Variants in ATP10B observed in about 807,000 individuals in gnomAD.
ATP10B encodes the protein phospholipid-transporting ATPase VB.
ATP10B carries 122 observed loss-of-function variants against 141.2 expected under a neutral mutation model. The observed-to-expected ratio is 0.86, with a 90% CI of 0.75 to 1.00. ATP10B has a LOEUF of 1.00. Ranked by LOEUF, ATP10B falls within the 50% of genes least tolerant of loss-of-function variation. The pLI is 0.00. For synonymous variants in ATP10B, 685 were observed against 692.0 expected (o/e 0.99, Z 0.16); for missense variants, 1,876 against 1,825.3 (o/e 1.03, Z -0.51).
intron 2 of ATP10B, among the ~76,000 whole-genome samples, chr5:160,728,944 C>T (rs1766546688): frequency 6.6e-6 from 1 of 152,122 alleles, no homozygotes; most frequent in Admixed American, 6.5e-5. Context: ...CAAGCAAGGC[C>T]TGGGAATGGT....
In ATP10B at chr5:160,606,996, G is replaced by A. The variant is rs752814719; in HGVS notation, c.2929C>T (p.Arg977Cys). The change falls in exon 19 of 26, where the codon CGC becomes TGC. Residue 977 changes from arginine (R) to cysteine (C), a missense_variant. Transcript: ENST00000327245. ...ATGGATGGTGTCTTGGAAGGTAAGC[G>A]GAATCCAAAGAGCTTGCGGTCTGGC... ...QKPDRKLFGFRLPSKTPSITS... is the reference protein window; with the variant it reads ...QKPDRKLFGFCLPSKTPSITS... 1.2e-5 allele frequency: 20 copies of A among 1,613,994 alleles called. No individual in the cohort carries two copies. The highest frequency in any genetic ancestry group is 3.3e-5 in the Admixed American group (2 of 59,974).
At chr5:160,581,478 C>A (rs1755549163) in intron 24 of ATP10B, among the ~76,000 whole-genome samples, 1 of 152,154 alleles carries the variant, frequency 6.6e-6, no homozygotes, top group South Asian at 2.1e-4. Flanking sequence ...TTTCTTAATG[C>A]CGAGTTCTAA....
chr5:160,900,760 A>G, the ATP10B span, among the ~76,000 whole-genome samples: 1 of 151,702 alleles, frequency 6.6e-6, no homozygotes, highest in Non-Finnish European at 1.5e-5. Context: ...ACCAAAATAT[A>G]TCTGCATTAT....
At chr5:160,818,069 C>T in intron 1 of ATP10B, among the ~76,000 whole-genome samples, 1 of 152,124 alleles carries the variant, frequency 6.6e-6, no homozygotes, top group African/African-American at 2.4e-5. Context: ...TAGGCAATAC[C>T]ATTCAGGACA....
chr5:160,826,619 C>G (rs1774621271), intron 1 of ATP10B, among the ~76,000 whole-genome samples: 1 of 152,024 alleles, frequency 6.6e-6, no homozygotes, highest in Non-Finnish European at 1.5e-5. Context: ...TGACTGCCTG[C>G]AGGGTAGGGC....
the ATP10B span, among the ~76,000 whole-genome samples, chr5:160,909,739 C>T: frequency 2.0e-5 from 3 of 152,076 alleles, no homozygotes; most frequent in Admixed American, 6.5e-5. Flanking sequence ...AGCTAAGTGA[C>T]GATAACGTAT....
At chr5:160,674,585 A>C (rs1762912624) in intron 6 of ATP10B, among the ~76,000 whole-genome samples, 1 of 152,156 alleles carries the variant, frequency 6.6e-6, no homozygotes, top group African/African-American at 2.4e-5. Context: ...CTTCCTTAGG[A>C]TCGCATGCAG....
intron 1 of ATP10B, among the ~76,000 whole-genome samples, chr5:160,796,995 A>G (rs766432743): frequency 2.0e-5 from 3 of 152,316 alleles, no homozygotes; most frequent in Non-Finnish European, 2.9e-5. Context: ...AATCTAGAGA[A>G]AACTTCCACA....
At chr5:160,568,317 A>C (rs7737928) in intron 25 of ATP10B, among the ~76,000 whole-genome samples, 1 of 152,074 alleles carries the variant, frequency 6.6e-6, no homozygotes, top group African/African-American at 2.4e-5. Context: ...TGGAGAGAAC[A>C]TAAAGTTAGA....
At chr5:160,853,163 C>A (rs1753891084), upstream of ATP10B, among the ~76,000 whole-genome samples, 1 of 152,154 alleles carries the variant, frequency 6.6e-6, no homozygotes, top group Non-Finnish European at 1.5e-5. Flanking sequence ...TTTTTAAGAA[C>A]ATGAAATTTG....
intron 2 of ATP10B, among the ~76,000 whole-genome samples, chr5:160,762,323 A>G (rs995216715): frequency 8.5e-5 from 13 of 152,210 alleles, no homozygotes; most frequent in African/African-American, 2.9e-4. Flanking sequence ...CAAAAGCACC[A>G]GGAAACCTAT....
intron 7 of ATP10B, among the ~76,000 whole-genome samples, chr5:160,652,942 T>TTGC (rs1760963899): frequency 8.4e-5 from 7 of 83,016 alleles, no homozygotes; most frequent in African/African-American, 3.8e-4. Context: ...TATACATGTA[T>TTGC]ATATAATATA....
At chr5:160,674,520 A>G (rs73306690) in intron 6 of ATP10B, among the ~76,000 whole-genome samples, 1,627 of 152,304 alleles carry the variant, frequency 0.011, 34 homozygotes, top group African/African-American at 0.037. Context: ...GATCCCAAGG[A>G]GGTCACTGCT....
At chr5:160,573,475 G>A (rs1249606673) in intron 24 of ATP10B, among the ~76,000 whole-genome samples, 1 of 152,208 alleles carries the variant, frequency 6.6e-6, no homozygotes, top group Non-Finnish European at 1.5e-5. Context: ...CCTGGGCCAT[G>A]GACTAGTACC....
At chr5:160,785,464 G>T in intron 2 of ATP10B, 95 bp downstream of exon 2, 1 of 331,904 alleles carries the variant, frequency 3.0e-6, no homozygotes, top group Non-Finnish European at 5.9e-6. Context: ...TTTAGACTCA[G>T]AGGGTACATG....
chr5:160,651,788 G>A (rs553386100), intron 7 of ATP10B, among the ~76,000 whole-genome samples: 1 of 152,182 alleles, frequency 6.6e-6, no homozygotes, highest in East Asian at 1.9e-4. Flanking sequence ...TACCCATCCA[G>A]GAGTTTCTAA....
rs558522646 is a variant in ATP10B at position 160,783,217 on chromosome 5, G to A, written c.-331+2342C>T. On this transcript the variant is annotated intron_variant, in intron 2 of 25. Coordinates refer to ENST00000327245, the MANE Select transcript of ATP10B (RefSeq NM_025153.3). ...CCAAAGTCCATTGTATCATTCTTAT[G>A]CCTTCGTGTCCTCATAGCTTAGCTC... 7.9e-5 allele frequency among the ~76,000 whole-genome samples: 12 copies of A among 151,590 alleles called. No individual in the cohort carries two copies. The East Asian group carries it at 2.0e-3, about 25-fold the overall frequency.
chr5:160,706,504 T>G (rs1052500750), intron 3 of ATP10B, among the ~76,000 whole-genome samples: 1 of 152,198 alleles, frequency 6.6e-6, no homozygotes, highest in African/African-American at 2.4e-5. Context: ...GTCCCCACTG[T>G]GCATCCCAGA....
At position 160,565,741 on chromosome 5, in the gene ATP10B, G is replaced by A. The variant is rs375381401; in HGVS notation, c.4098C>T (p.His1366=). 2.2e-5 allele frequency: 35 copies of A among 1,613,918 alleles called. No homozygotes were observed. The highest frequency in any genetic ancestry group is 2.6e-5 in the Non-Finnish European group (31 of 1,179,970). ...GTCCTGTGATAGATGACACTGGGTG[G>A]TGAGTTGGTCGAGCCACTTCGGGGA... The part of the protein sequence containing the change: ...APVPEVARPT[H]HPVSSITGQD... Residue 1366 remains histidine, a synonymous_variant, in exon 26 of 26, where the codon CAC becomes CAT. Coordinates refer to ENST00000327245, the MANE Select transcript of ATP10B (RefSeq NM_025153.3).
Sources: allele counts gnomAD v4.1 joint callset (sites outside exome capture counted in the v4.1 genomes callset), GRCh38; gene constraint gnomAD v4.1.1; transcripts MANE v1.5; gene names NCBI Gene and HGNC (gene_info 2026-07-23, HGNC 2026-07-21).